The following OSBPL2 variants were observed in gnomAD, a reference collection of about 807,000 sequenced individuals.
OSBPL2 encodes the protein oxysterol-binding protein-related protein 2.
OSBPL2 carries 18 observed loss-of-function variants against 58.4 expected under a neutral mutation model. That is an observed-to-expected ratio of 0.31 (90% CI 0.21 to 0.46). OSBPL2 has a LOEUF of 0.46. OSBPL2 is among the 20% of genes least tolerant of loss of function. OSBPL2 has a pLI of 1.00. For synonymous variants in OSBPL2, 221 were observed against 234.1 expected, an observed-to-expected ratio of 0.94 and a Z score of 0.51; for missense variants, 461 against 616.5, an observed-to-expected ratio of 0.75 and a Z score of 2.67.
chr20:62,254,602 C>T (rs556943447), intron 1 of OSBPL2, among the ~76,000 whole-genome samples: 106 of 152,352 alleles, frequency 7.0e-4, no homozygotes, highest in African/African-American at 2.2e-3. Flanking sequence ...CTGCCCCGTG[C>T]GGCTGTGGCA....
chr20:62,283,990 A>T, intron 9 of OSBPL2, 56 bp from the exon 10 acceptor site: 1 of 1,549,798 alleles, frequency 6.5e-7, no homozygotes, highest in Non-Finnish European at 8.8e-7. Flanking sequence ...CCACATGTTT[A>T]GACAAATGGT....
At chr20:62,274,985 G>T (rs1164967296) in intron 6 of OSBPL2, among the ~76,000 whole-genome samples, 1 of 152,154 alleles carries the variant, frequency 6.6e-6, no homozygotes, top group Non-Finnish European at 1.5e-5. Flanking sequence ...TTTTAATTAC[G>T]AGAGAGTGCT....
At chr20:62,270,080 C>G (rs75993651) in intron 4 of OSBPL2, among the ~76,000 whole-genome samples, 1 of 152,206 alleles carries the variant, frequency 6.6e-6, no homozygotes, top group African/African-American at 2.4e-5. Flanking sequence ...ACCTCGCGGC[C>G]CAGGCAGAGC....
chr20:62,276,893 C>T (rs966886720), intron 6 of OSBPL2, among the ~76,000 whole-genome samples: 1 of 152,230 alleles, frequency 6.6e-6, no homozygotes, highest in African/African-American at 2.4e-5. Flanking sequence ...GGTCAGCGTG[C>T]TGTGCCACTG....
intron 7 of OSBPL2, 24 bp from the exon 8 acceptor site, chr20:62,281,034 G>C: frequency 6.3e-7 from 1 of 1,578,686 alleles, no homozygotes; most frequent in Non-Finnish European, 8.7e-7. Context: ...GACTCTCACT[G>C]CTTGTTTTCT....
chr20:62,260,519 C>A (rs528999565), intron 3 of OSBPL2, among the ~76,000 whole-genome samples: 5 of 152,192 alleles, frequency 3.3e-5, no homozygotes, highest in Non-Finnish European at 5.9e-5. Flanking sequence ...TTTCCATGGG[C>A]GGCCAAGTTC....
At chr20:62,252,496 G>GGC (rs1980623532) in intron 1 of OSBPL2, among the ~76,000 whole-genome samples, 1 of 152,140 alleles carries the variant, frequency 6.6e-6, no homozygotes. Flanking sequence ...TCTCCTCCCG[G>GGC]GCGCCTCCTT....
intron 1 of OSBPL2, among the ~76,000 whole-genome samples, chr20:62,247,902 A>G (rs1379187877): frequency 2.0e-5 from 3 of 151,164 alleles, no homozygotes; most frequent in Non-Finnish European, 2.9e-5. Context: ...TGACCTTGTG[A>G]TCCGCCCACC....
chr20:62,248,642 G>C (rs562814677), intron 1 of OSBPL2, among the ~76,000 whole-genome samples: 1 of 151,918 alleles, frequency 6.6e-6, no homozygotes, highest in Non-Finnish European at 1.5e-5. Context: ...CCCCAGTCTC[G>C]TTCACCAACT....
At chr20:62,251,752 A>G (rs1443991436) in intron 1 of OSBPL2, among the ~76,000 whole-genome samples, 2 of 150,174 alleles carry the variant, frequency 1.3e-5, no homozygotes, top group Non-Finnish European at 3.0e-5. Context: ...CTACCATCAG[A>G]TACTCACTGT....
chr20:62,289,778 G>A (rs1157210475), intron 12 of OSBPL2, among the ~76,000 whole-genome samples: 2 of 151,950 alleles, frequency 1.3e-5, no homozygotes, highest in East Asian at 3.9e-4. Flanking sequence ...GGTGGCGCCC[G>A]ACTGTAATCC....
chr20:62,284,300 G>C, intron 10 of OSBPL2, 131 bp downstream of exon 10: 1 of 975,510 alleles, frequency 1.0e-6, no homozygotes, highest in Non-Finnish European at 1.6e-6. Context: ...TGAATGTGCA[G>C]AATTTGTCTG....
chr20:62,245,341 C>T (rs1980030211), intron 1 of OSBPL2, among the ~76,000 whole-genome samples: 1 of 152,194 alleles, frequency 6.6e-6, no homozygotes, highest in African/African-American at 2.4e-5. Flanking sequence ...GATCTGCCTG[C>T]CGTGGCCTCC....
intron 2 of OSBPL2, among the ~76,000 whole-genome samples, chr20:62,257,204 G>T (rs1169644604): frequency 6.6e-6 from 1 of 152,188 alleles, no homozygotes; most frequent in Non-Finnish European, 1.5e-5. Context: ...GCCAGGGTGG[G>T]TGTGTCAGGA....
At chr20:62,246,139 C>T (rs1056643250) in intron 1 of OSBPL2, among the ~76,000 whole-genome samples, 9 of 152,276 alleles carry the variant, frequency 5.9e-5, no homozygotes, top group Non-Finnish European at 7.3e-5. Context: ...TCGCTGCTGC[C>T]GCCGCCTCCA....
intron 1 of OSBPL2, 130 bp from the exon 2 acceptor site, chr20:62,255,927 A>G (rs769203723): frequency 9.2e-5 from 40 of 432,938 alleles, no homozygotes; most frequent in Non-Finnish European, 1.6e-4. Context: ...TTGTGATGTG[A>G]TAATTTATTT....
intron 13 of OSBPL2, 74 bp from the exon 14 acceptor site, chr20:62,293,711 C>A (rs1983673879): frequency 7.3e-7 from 1 of 1,361,164 alleles, no homozygotes; most frequent in Non-Finnish European, 1.0e-6. Flanking sequence ...GGAACACACT[C>A]CTGCACCCAG....
intron 1 of OSBPL2, among the ~76,000 whole-genome samples, chr20:62,254,526 G>T (rs1204544528): frequency 2.6e-5 from 4 of 152,266 alleles, no homozygotes; most frequent in Non-Finnish European, 5.9e-5. Flanking sequence ...GAGGAACCGG[G>T]AGACACTGGA....
chr20:62,251,639 C>T (rs929781508), intron 1 of OSBPL2, among the ~76,000 whole-genome samples: 3 of 151,142 alleles, frequency 2.0e-5, no homozygotes, highest in African/African-American at 7.3e-5. Flanking sequence ...AACTCCTGAC[C>T]TCAGGTGATC....
Sources: allele counts gnomAD v4.1 joint callset (sites outside exome capture counted in the v4.1 genomes callset), GRCh38; gene constraint gnomAD v4.1.1; transcripts MANE v1.5; gene names NCBI Gene and HGNC (gene_info 2026-07-23, HGNC 2026-07-21).